The following EVA1A variants were observed in gnomAD, a reference collection of about 807,000 sequenced individuals.
EVA1A encodes the protein eva-1 homolog A, regulator of programmed cell death.
EVA1A carries 7 observed loss-of-function variants against 9.8 expected under a neutral mutation model. The observed-to-expected ratio is 0.71, with a 90% CI of 0.41 to 1.34. EVA1A has a LOEUF of 1.34. Among genes scored for constraint, EVA1A ranks in the 40% most tolerant of loss-of-function variants. The pLI is 0.01. For missense variants in EVA1A, 206 were observed against 205.9 expected (o/e 1.00, Z 0.00); for synonymous variants, 90 against 85.6 (o/e 1.05, Z -0.28).
intron 3 of EVA1A, among the ~76,000 whole-genome samples, chr2:75,512,608 G>T (rs1572956425): frequency 6.6e-6 from 1 of 152,298 alleles, no homozygotes; most frequent in Admixed American, 6.5e-5. Context: ...AGTAGTAAAG[G>T]TCAGACATTA....
At chr2:75,514,882 A>G (rs1173000491) in intron 3 of EVA1A, among the ~76,000 whole-genome samples, 1 of 152,162 alleles carries the variant, frequency 6.6e-6, no homozygotes, top group Non-Finnish European at 1.5e-5. Context: ...ATATTGTCAA[A>G]TTATTTTTTA....
chr2:75,518,203 T>C lies in EVA1A; in HGVS notation c.-63A>G. The C allele has an allele frequency of 6.3e-7, 1 of 1,593,088 alleles. No individual in the cohort carries two copies. The highest frequency in any genetic ancestry group is 1.2e-5 in the South Asian group (1 of 86,876). On this transcript the variant is annotated 5_prime_UTR_variant, in exon 3 of 4. Transcript: ENST00000393913. ...GAATCAACGTGGCCACTCTCCTTCT[T>C]CTCTTCTGTTTGGGAACATAAAGTG...
At chr2:75,532,862 G>T (rs370858178) in intron 1 of EVA1A, among the ~76,000 whole-genome samples, 1 of 152,168 alleles carries the variant, frequency 6.6e-6, no homozygotes. Flanking sequence ...GACTAAATAG[G>T]CTGAGTGTGG....
intron 1 of EVA1A, among the ~76,000 whole-genome samples, chr2:75,535,904 A>G (rs6547009): frequency 0.45 from 69,078 of 152,044 alleles, 18,134 homozygotes; most frequent in African/African-American, 0.74. Flanking sequence ...GTAACCAAAA[A>G]ATACTTGTAC....
At chr2:75,505,496 A>T (rs1674584029) in intron 3 of EVA1A, among the ~76,000 whole-genome samples, 2 of 152,238 alleles carry the variant, frequency 1.3e-5, no homozygotes, top group Admixed American at 1.3e-4. Context: ...ATATGTAAAT[A>T]CATATGTATG....
At chr2:75,565,499 G>T (rs943302495), upstream of EVA1A, among the ~76,000 whole-genome samples, 5 of 152,060 alleles carry the variant, frequency 3.3e-5, no homozygotes, top group Non-Finnish European at 7.4e-5. Flanking sequence ...TTTCTCTGCC[G>T]TAAGTGACTG....
At chr2:75,539,709 T>C (rs1461761203) in intron 1 of EVA1A, among the ~76,000 whole-genome samples, 1 of 151,980 alleles carries the variant, frequency 6.6e-6, no homozygotes, top group Non-Finnish European at 1.5e-5. Context: ...TTACTAAGGA[T>C]CAGGCAAAAT....
chr2:75,526,731 G>C (rs571370278), intron 1 of EVA1A, among the ~76,000 whole-genome samples: 4 of 152,350 alleles, frequency 2.6e-5, no homozygotes, highest in East Asian at 1.9e-4. Flanking sequence ...AAATTGAACA[G>C]AAGTCAAAGC....
chr2:75,504,430 C>T (rs537816514), intron 3 of EVA1A, among the ~76,000 whole-genome samples: 1 of 152,190 alleles, frequency 6.6e-6, no homozygotes, highest in Non-Finnish European at 1.5e-5. Flanking sequence ...AACAAACAAA[C>T]AAACAAAATA....
chr2:75,519,173 A>C (rs1189991290), intron 2 of EVA1A, among the ~76,000 whole-genome samples: 3 of 152,218 alleles, frequency 2.0e-5, no homozygotes, highest in African/African-American at 7.2e-5. Flanking sequence ...GCTCCTGGGC[A>C]CGAAGTGGGA....
In EVA1A at chr2:75,534,200, C is replaced by T. The variant is rs546903597; in HGVS notation, c.-191-11713G>A. 2.0e-4 allele frequency among the ~76,000 whole-genome samples: 31 copies of T among 151,970 alleles called. No homozygotes were observed. In the Middle Eastern group the frequency reaches 0.01, roughly 50 times the overall value. On this transcript the variant is annotated intron_variant, in intron 1 of 3. Transcript: ENST00000393913. ...CCTGCAGTGAGCTATGATTGTGCCA[C>T]GGTACTCCAGCTTGGGCAACAGAGA... is the stretch of plus-strand genomic sequence containing the variant.
chr2:75,545,870 T>G (rs1272345355), intron 1 of EVA1A, among the ~76,000 whole-genome samples: 3 of 152,130 alleles, frequency 2.0e-5, no homozygotes, highest in African/African-American at 7.2e-5. Context: ...CATAGCTTCC[T>G]GGAAGAGGTA....
intron 3 of EVA1A, among the ~76,000 whole-genome samples, chr2:75,496,630 C>G (rs545224606): frequency 6.6e-6 from 1 of 152,168 alleles, no homozygotes; most frequent in South Asian, 2.1e-4. Context: ...AGATTCAATG[C>G]TATTCCTATC....
At chr2:75,567,873 C>CT (rs1056852339) in intron 1 of EVA1A, among the ~76,000 whole-genome samples, 4 of 152,184 alleles carry the variant, frequency 2.6e-5, no homozygotes, top group African/African-American at 9.7e-5. Context: ...AATGAAGAAT[C>CT]TAAGATTTTG....
chr2:75,524,974 G>A (rs1329222722), intron 1 of EVA1A, among the ~76,000 whole-genome samples: 6 of 152,010 alleles, frequency 3.9e-5, no homozygotes, highest in Non-Finnish European at 8.8e-5. Flanking sequence ...ACATATATAT[G>A]TATAATTCTC....
intron 1 of EVA1A, among the ~76,000 whole-genome samples, chr2:75,555,885 C>T (rs559952124): frequency 6.6e-6 from 1 of 152,324 alleles, no homozygotes; most frequent in African/African-American, 2.4e-5. Context: ...ACCCGCCAAG[C>T]TCCCGCTTAC....
At chr2:75,515,628 T>A (rs1233750590) in intron 3 of EVA1A, among the ~76,000 whole-genome samples, 1 of 152,182 alleles carries the variant, frequency 6.6e-6, no homozygotes, top group Non-Finnish European at 1.5e-5. Flanking sequence ...TCAAATATTT[T>A]AAAACTCAAC....
chr2:75,517,302 C>A (rs1197855996), intron 3 of EVA1A, among the ~76,000 whole-genome samples: 1 of 152,158 alleles, frequency 6.6e-6, no homozygotes, highest in East Asian at 1.9e-4. Flanking sequence ...CTAGTCCCTT[C>A]CTTTTTATAC....
At position 75,518,064 on chromosome 2, in the gene EVA1A, A is replaced by C; in HGVS notation, c.77T>G (p.Phe26Cys). 6.2e-7 allele frequency: 1 copy of C among 1,614,030 alleles called. No homozygotes were observed. Among genetic ancestry groups the C allele is most frequent in the Non-Finnish European group, 8.5e-7 (1 of 1,179,968 alleles). Residue 26 changes from phenylalanine to cysteine, a missense_variant, in exon 3 of 4, where the codon TTT becomes TGT. Physicochemically the swap from Phe to Cys is radical, Grantham distance 205 (BLOSUM62 -2). Transcript: ENST00000393913. ...LLSNILAAYS[F>C]VSENPERAAL... ...GGAAACCAGGCACCTACCTGAGACA[A>C]AGGAATAGGCCGCTAGGATGTTGCT... is the stretch of plus-strand genomic sequence containing the variant.
Sources: gnomAD v4.1 joint callset for allele counts (sites outside exome capture counted in the v4.1 genomes callset) on GRCh38, gnomAD v4.1.1 for gene constraint, MANE v1.5 for transcripts, NCBI Gene and HGNC (gene_info 2026-07-23, HGNC 2026-07-21) for gene names.